ASB1: variants seen among roughly 807,000 people sequenced by gnomAD.
ASB1 encodes ankyrin repeat and SOCS box protein 1.
A neutral mutation model predicts 27.7 loss-of-function variants in ASB1; 18 were observed. The observed-to-expected ratio is 0.65, with a 90% confidence interval of 0.45 to 0.96. The LOEUF (loss-of-function observed/expected upper bound fraction) is 0.96. Among genes scored for constraint, ASB1 ranks in the 50% least tolerant of loss-of-function variants. The pLI is 0.00. For missense variants in ASB1, 397 were observed against 451.7 expected (o/e 0.88, Z 1.10); for synonymous variants, 189 against 187.6 (o/e 1.01, Z -0.06).
intron 1 of ASB1, among the ~76,000 whole-genome samples, chr2:238,432,492 C>A (rs1002341006): frequency 7.9e-5 from 12 of 152,138 alleles, no homozygotes; most frequent in African/African-American, 2.9e-4. Context: ...TCAAGTGCAC[C>A]TGTCTGAGGA....
chr2:238,439,360 A>G (rs1702035188), intron 3 of ASB1, among the ~76,000 whole-genome samples: 2 of 152,100 alleles, frequency 1.3e-5, no homozygotes, highest in Non-Finnish European at 2.9e-5. Flanking sequence ...GCTGGTCCTC[A>G]GGCCTGTGCT....
Position 238,433,515 on chromosome 2 carries a change from G to A in ASB1, c.50-39G>A, listed in dbSNP as rs200813383. The A allele has an allele frequency of 8.7e-6, 14 of 1,608,840 alleles. No homozygotes were observed. The East Asian group carries it at 2.7e-4, about 31-fold the overall frequency. ...CCCCCTTTTGGTTAGTCTTGGCAGG[G>A]CCTCCATGAGCTAACAGGAGCCCCT... On this transcript the variant is annotated intron_variant, in intron 1 of 4. Transcript: ENST00000264607.
chr2:238,441,255 C>T (rs1485630250), intron 3 of ASB1, among the ~76,000 whole-genome samples: 1 of 151,698 alleles, frequency 6.6e-6, no homozygotes, highest in Non-Finnish European at 1.5e-5. Context: ...CTGCTTCAGT[C>T]TCCTGAGTAG....
intron 2 of ASB1, 116 bp from the exon 3 acceptor site, chr2:238,435,595 G>A: frequency 9.4e-7 from 1 of 1,061,684 alleles, no homozygotes; most frequent in Non-Finnish European, 1.3e-6. Flanking sequence ...GAGCCCAGGT[G>A]GAGGCGTTAT....
intron 3 of ASB1, among the ~76,000 whole-genome samples, chr2:238,436,337 T>A (rs1265616184): frequency 6.6e-6 from 1 of 152,148 alleles, no homozygotes; most frequent in Non-Finnish European, 1.5e-5. Flanking sequence ...GCTTTTTCCT[T>A]ATTATTTAAA....
In ASB1 at chr2:238,449,166, C is replaced by T. The variant is rs537633362; in HGVS notation, c.*2655C>T. 1.1e-4 allele frequency: 17 copies of T among 152,364 alleles called. No homozygotes were observed. Among genetic ancestry groups the T allele is most frequent in the African/African-American group, 4.1e-4 (17 of 41,590 alleles). The allele number at this position is 152,364 out of a possible 1,614,324, so 9.4% of individuals were successfully genotyped here. A position where few individuals can be genotyped will look rare whatever the true frequency, so the allele number is the denominator to read the frequency against. Reference sequence around the variant, plus strand: ...GGGTGGGTAGCTAAGGTCATTCCTCCTGGGTTTTAGTGGCATTGCCTTCCT... The same window carrying T: ...GGGTGGGTAGCTAAGGTCATTCCTCTTGGGTTTTAGTGGCATTGCCTTCCT... On this transcript the variant is annotated 3_prime_UTR_variant, in exon 5 of 5. Transcript: ENST00000264607.
At chr2:238,431,161 A>G (rs1158434606) in intron 1 of ASB1, among the ~76,000 whole-genome samples, 1 of 152,244 alleles carries the variant, frequency 6.6e-6, no homozygotes, top group Non-Finnish European at 1.5e-5. Flanking sequence ...GTTGTTTAGT[A>G]TAGCCACCTT....
Position 238,427,177 on chromosome 2 carries a change from C to T in ASB1, c.49+58C>T, listed in dbSNP as rs887927899. On this transcript the variant is annotated intron_variant, in intron 1 of 4. Coordinates refer to ENST00000264607, the MANE Select transcript of ASB1 (RefSeq NM_001040445.3). ...GTGTGGGGATGGCGAAGGGCTGGCT[C>T]CGGCGTCCCTGCCGAGGTCCTGCGT... 3.1e-5 allele frequency: 36 copies of T among 1,179,126 alleles called. No homozygotes were observed. The Admixed American group carries it at 4.7e-4, about 15-fold the overall frequency. 73.0% of individuals were successfully genotyped at this position (1,179,126 alleles called of 1,614,324 possible).
Position 238,436,020 on chromosome 2 carries a change from A to G in ASB1, c.494+7A>G, listed in dbSNP as rs1317294553. ...TCCTGAAGGCCCTCATCAGGCCAGT[A>G]CTGTGGAGCTCGCCTGGCTCCTGCA... On this transcript the variant is annotated splice_region_variant and intron_variant, in intron 3 of 4. Coordinates refer to ENST00000264607, the MANE Select transcript of ASB1 (RefSeq NM_001040445.3). The G allele has an allele frequency of 4.4e-6, 7 of 1,584,450 alleles. No individual in the cohort carries two copies. The highest frequency in any genetic ancestry group is 1.8e-5 in the Admixed American group (1 of 55,020).
intron 1 of ASB1, among the ~76,000 whole-genome samples, chr2:238,432,567 G>A: frequency 6.6e-6 from 1 of 152,160 alleles, no homozygotes; most frequent in East Asian, 1.9e-4. Flanking sequence ...CACCCGTGTA[G>A]CAGATAGCAG....
chr2:238,445,181 G>A (rs1037012967), intron 4 of ASB1, among the ~76,000 whole-genome samples: 1 of 151,898 alleles, frequency 6.6e-6, no homozygotes, highest in African/African-American at 2.4e-5. Context: ...GTTTTGCTGT[G>A]TTGCCCAGGC....
chr2:238,434,157 T>C (rs1349844354), intron 2 of ASB1, among the ~76,000 whole-genome samples: 2 of 152,228 alleles, frequency 1.3e-5, no homozygotes, highest in South Asian at 4.1e-4. Context: ...GCCTCAGCCT[T>C]AGGCCCTTTT....
intron 1 of ASB1, among the ~76,000 whole-genome samples, chr2:238,429,542 T>C (rs1216672258): frequency 2.0e-5 from 3 of 152,180 alleles, no homozygotes; most frequent in Non-Finnish European, 4.4e-5. Flanking sequence ...TCCAGAACAC[T>C]GTAATAAAGT....
At chr2:238,443,055 C>T (rs1702109587) in intron 3 of ASB1, among the ~76,000 whole-genome samples, 2 of 152,040 alleles carry the variant, frequency 1.3e-5, no homozygotes, top group South Asian at 4.2e-4. Context: ...TAATGTAGCT[C>T]CGGGGATGCT....
At chr2:238,441,475 C>G (rs1040884885) in intron 3 of ASB1, among the ~76,000 whole-genome samples, 18 of 152,292 alleles carry the variant, frequency 1.2e-4, no homozygotes, top group Non-Finnish European at 1.9e-4. Flanking sequence ...ATCCTTGTCT[C>G]CTTGATCCTG....
At chr2:238,441,070 TA>T (rs1702069460) in intron 3 of ASB1, among the ~76,000 whole-genome samples, 1 of 152,196 alleles carries the variant, frequency 6.6e-6, no homozygotes, top group South Asian at 2.1e-4. Flanking sequence ...AAAGATGTCC[TA>T]GTGGGCAGCG....
At chr2:238,441,037 G>C (rs1299257868) in intron 3 of ASB1, among the ~76,000 whole-genome samples, 1 of 152,246 alleles carries the variant, frequency 6.6e-6, no homozygotes, top group East Asian at 1.9e-4. Flanking sequence ...ATGGGAGTCT[G>C]GATGTTTAGT....
chr2:238,432,873 A>T (rs1477545548), intron 1 of ASB1, among the ~76,000 whole-genome samples: 2 of 151,914 alleles, frequency 1.3e-5, no homozygotes, highest in African/African-American at 4.8e-5. Context: ...CAGCCTCCTG[A>T]GTAGCTGGGA....
chr2:238,444,530 C>T lies in ASB1; in HGVS notation c.683C>T (p.Thr228Ile), dbSNP rs182337868. ...TTCAACTGCAATGGTCCTGTCAACA[C>T]ACAGGGATTCTACAGGGGCTCCCCT... ...PDFNCNGPVN[T>I]QGFYRGSPGC... is the part of the protein sequence containing the mutation. Residue 228 changes from threonine to isoleucine, a missense_variant, in exon 4 of 5, where the codon ACA becomes ATA. By Grantham distance (89) the Thr-to-Ile change is moderately conservative (BLOSUM62 -1). Coordinates refer to ENST00000264607, the MANE Select transcript of ASB1 (RefSeq NM_001040445.3). 449 of 1,614,230 alleles carry T rather than the reference C, an allele frequency of 2.8e-4. 3 individuals are homozygous for T. In the African/African-American group the frequency reaches 4.7e-3, roughly 17 times the overall value.
Sources: gnomAD v4.1 joint callset for allele counts (sites outside exome capture counted in the v4.1 genomes callset) on GRCh38, gnomAD v4.1.1 for gene constraint, MANE v1.5 for transcripts, NCBI Gene and HGNC (gene_info 2026-07-23, HGNC 2026-07-21) for gene names.